Variants in CTCF observed in about 807,000 individuals in gnomAD.
CTCF encodes the protein transcriptional repressor CTCF.
A neutral mutation model predicts 72.3 loss-of-function variants in CTCF; 7 were observed. That is an observed-to-expected ratio of 0.10 (90% confidence interval 0.06 to 0.18). The LOEUF is 0.18. CTCF is among the 10% of genes least tolerant of loss of function. The probability of loss-of-function intolerance (pLI) is 1.00; values close to 1 mark genes in which losing one functional copy is unlikely to be tolerated. For synonymous variants in CTCF, 374 were observed against 315.8 expected, an observed-to-expected ratio of 1.18 and a Z score of -1.95; for missense variants, 516 against 949.1, an observed-to-expected ratio of 0.54 and a Z score of 6.00.
At chr16:67,602,563 T>G (rs990912727) in intron 2 of CTCF, among the ~76,000 whole-genome samples, 1 of 152,076 alleles carries the variant, frequency 6.6e-6, no homozygotes, top group Non-Finnish European at 1.5e-5. Context: ...TTCTGGGGGC[T>G]GGGCACGGTG....
intron 10 of CTCF, among the ~76,000 whole-genome samples, chr16:67,634,251 A>C (rs895257395): frequency 1.3e-5 from 2 of 152,158 alleles, no homozygotes; most frequent in African/African-American, 4.8e-5. Context: ...TCTGTCACCC[A>C]GGCTGGAGTG....
intron 5 of CTCF, among the ~76,000 whole-genome samples, chr16:67,619,141 C>G (rs1272348261): frequency 1.3e-5 from 2 of 152,162 alleles, no homozygotes; most frequent in African/African-American, 2.4e-5. Flanking sequence ...TGGTGTGTAA[C>G]ACTTATGAGT....
intron 2 of CTCF, among the ~76,000 whole-genome samples, chr16:67,578,393 C>T (rs905065827): frequency 2.8e-5 from 4 of 140,790 alleles, no homozygotes; most frequent in African/African-American, 1.1e-4. Context: ...GAGTGAGACA[C>T]GTGATCTTGG....
chr16:67,571,878 T>G (rs2051426104), intron 2 of CTCF, among the ~76,000 whole-genome samples: 1 of 152,204 alleles, frequency 6.6e-6, no homozygotes. Flanking sequence ...ATATGGAACT[T>G]GGAACAGACC....
At position 67,638,612 on chromosome 16, in the gene CTCF, G is replaced by C. The variant is rs986802272; in HGVS notation, c.*740G>C. 1 of 231,918 alleles carries C rather than the reference G, an allele frequency of 4.3e-6. No homozygotes were observed. The highest frequency in any genetic ancestry group is 5.6e-5 in the Admixed American group (1 of 17,722). The allele number at this position is 231,918 out of a possible 1,614,324, so 14.4% of individuals were successfully genotyped here. ...ATGGCACCCAGACCACTGCCCACCAGTGACGGACATGCACGTGGCAGATCA... is the reference window on the plus strand; with the variant it reads ...ATGGCACCCAGACCACTGCCCACCACTGACGGACATGCACGTGGCAGATCA... On this transcript the variant is annotated 3_prime_UTR_variant, in exon 12 of 12. Coordinates refer to ENST00000264010, the MANE Select transcript of CTCF (RefSeq NM_006565.4).
chr16:67,570,814 C>T (rs2051408314), intron 1 of CTCF: 1 of 148,208 alleles, frequency 6.7e-6, no homozygotes, highest in Admixed American at 6.8e-5. Flanking sequence ...GGCACAATCT[C>T]AGCTCAGTAC....
At chr16:67,589,181 C>T (rs1446809239) in intron 2 of CTCF, among the ~76,000 whole-genome samples, 3 of 152,032 alleles carry the variant, frequency 2.0e-5, no homozygotes, top group African/African-American at 7.2e-5. Flanking sequence ...TGTAGTGTCC[C>T]AACTACCCAG....
intron 2 of CTCF, among the ~76,000 whole-genome samples, chr16:67,582,684 C>T (rs2051601523): frequency 6.6e-6 from 1 of 152,026 alleles, no homozygotes; most frequent in Non-Finnish European, 1.5e-5. Flanking sequence ...CAGAGTGAGA[C>T]TCTGTGTCAA....
chr16:67,571,979 C>T (rs1004654828), intron 2 of CTCF, among the ~76,000 whole-genome samples: 3 of 151,838 alleles, frequency 2.0e-5, no homozygotes, highest in African/African-American at 7.3e-5. Context: ...CTCACGGTAC[C>T]GGAAAGCACA....
chr16:67,610,847 A>C lies in CTCF; in HGVS notation c.15A>C (p.Ala5=). 2 of 1,473,464 alleles carry C rather than the reference A, an allele frequency of 1.4e-6. No homozygotes were observed. Among genetic ancestry groups the C allele is most frequent in the Non-Finnish European group, 1.8e-6 (2 of 1,109,050 alleles). 91.3% of individuals were successfully genotyped at this position (1,473,464 alleles called of 1,614,324 possible). The change falls in exon 3 of 12, where the codon GCA becomes GCC. Residue 5 remains alanine (A), a synonymous_variant. Coordinates refer to ENST00000264010, the MANE Select transcript of CTCF (RefSeq NM_006565.4). ...AGGCAGGGGAAATGGAAGGTGATGC[A>C]GTCGAAGCCATTGTGGAGGAGTCCG... MEGD[A]VEAIVEESET... is the part of the protein sequence containing the mutation.
At chr16:67,563,663 CCTGA>C (rs1218338406) in intron 1 of CTCF, 1 of 152,220 alleles carries the variant, frequency 6.6e-6, no homozygotes. Context: ...GTGATAGCAG[CCTGA>C]CTTTGTGCGC....
At position 67,577,329 on chromosome 16, in the gene CTCF, A is replaced by G. The variant is rs141586656; in HGVS notation, c.-10+6065A>G. Among the ~76,000 whole-genome samples the G allele has an allele frequency of 9.2e-3, 1,361 of 148,016 alleles. 10 individuals carry two copies. Among genetic ancestry groups the G allele is most frequent in the Non-Finnish European group, 0.015 (972 of 66,942 alleles). Reference sequence around the variant, plus strand: ...CTACTTGAGGAGGTTGAGGTGGGAGAATGGTGTGAACCTGGGAGGCTCTGT... The same window carrying G: ...CTACTTGAGGAGGTTGAGGTGGGAGGATGGTGTGAACCTGGGAGGCTCTGT... On this transcript the variant is annotated intron_variant, in intron 2 of 11. Coordinates refer to ENST00000264010, the MANE Select transcript of CTCF (RefSeq NM_006565.4).
intron 10 of CTCF, among the ~76,000 whole-genome samples, chr16:67,634,033 T>G (rs553792585): frequency 6.6e-6 from 1 of 152,308 alleles, no homozygotes; most frequent in South Asian, 2.1e-4. Flanking sequence ...ATAATAGTAT[T>G]CAAGTCGATT....
intron 2 of CTCF, among the ~76,000 whole-genome samples, chr16:67,583,036 G>C (rs1001333627): frequency 6.8e-6 from 1 of 147,622 alleles, no homozygotes; most frequent in African/African-American, 2.5e-5. Flanking sequence ...GCTGGATGGA[G>C]TGCAGTGGTG....
chr16:67,570,742 T>C (rs2051406805), intron 1 of CTCF: 1 of 142,708 alleles, frequency 7.0e-6, no homozygotes, highest in South Asian at 2.2e-4. Flanking sequence ...CGCCTGGCCT[T>C]TTTTTTTTTT....
chr16:67,637,232 G>A (rs2052442919), intron 11 of CTCF, among the ~76,000 whole-genome samples: 1 of 152,172 alleles, frequency 6.6e-6, no homozygotes, highest in South Asian at 2.1e-4. Context: ...CACTGAGATT[G>A]CCCCTTCTAA....
chr16:67,604,764 T>A (rs980540214), intron 2 of CTCF, among the ~76,000 whole-genome samples: 2 of 148,026 alleles, frequency 1.4e-5, no homozygotes, highest in African/African-American at 5.1e-5. Flanking sequence ...TTTTTTTTTT[T>A]ACTTTTTAAT....
chr16:67,637,216 T>C (rs905819515), intron 11 of CTCF, among the ~76,000 whole-genome samples: 1 of 152,102 alleles, frequency 6.6e-6, no homozygotes, highest in African/African-American at 2.4e-5. Flanking sequence ...GGGAAAGCAG[T>C]TTCTGCACTG....
rs1002125753 is a variant in CTCF at position 67,616,817 on chromosome 16, G to A, written c.1025G>A (p.Arg342His). The change falls in exon 5 of 12, where the codon CGT (arginine) becomes CAT (histidine). Residue 342 changes from arginine (R) to histidine (H), a missense_variant. By Grantham distance (29) the Arg-to-His change is conservative (BLOSUM62 0). Coordinates refer to ENST00000264010, the MANE Select transcript of CTCF (RefSeq NM_006565.4). ...AGTGGAGAATTGGTTCGGCATCGTC[G>A]TTACAAACACACCCACGAGAAGCCA... ...VTSGELVRHRRYKHTHEKPFK... is the reference protein window; with the variant it reads ...VTSGELVRHRHYKHTHEKPFK... The A allele has an allele frequency of 1.9e-6, 3 of 1,614,126 alleles. No individual in the cohort carries two copies. The highest frequency in any genetic ancestry group is 2.5e-6 in the Non-Finnish European group (3 of 1,180,026).
Sources: allele counts gnomAD v4.1 joint callset (sites outside exome capture counted in the v4.1 genomes callset), GRCh38; gene constraint gnomAD v4.1.1; transcripts MANE v1.5; gene names NCBI Gene and HGNC (gene_info 2026-07-23, HGNC 2026-07-21).